The following SCAPER variants were observed in gnomAD, a reference collection of about 807,000 sequenced individuals.
SCAPER encodes the protein S phase cyclin A-associated protein in the endoplasmic reticulum.
In SCAPER, 98 loss-of-function variants were observed where a neutral mutation model predicts 182.2. The ratio of observed to expected loss-of-function variants is 0.54; its 90% CI spans 0.46 to 0.64. SCAPER has a LOEUF of 0.64. Ranked by LOEUF, SCAPER falls within the 30% of genes least tolerant of loss-of-function variation. SCAPER has a pLI of 0.00. For missense variants in SCAPER, 1,432 were observed against 1,690.0 expected (o/e 0.85, Z 2.68); for synonymous variants, 605 against 564.6 (o/e 1.07, Z -1.01).
rs1478205998 is a variant in SCAPER at position 76,665,663 on chromosome 15, T to C, written c.2635A>G (p.Met879Val). ...GGGTATTTAAGGTACCTGAAGTTCA[T>C]CCGGGCTTTTATCTTTTTGGCTTTT... ...KKKAKKIKAR[M>V]NFRAKEYESL... The change falls in exon 21 of 32, where the codon ATG (methionine) becomes GTG (valine). Residue 879 changes from methionine to valine, a missense_variant. Met to Val is a conservative substitution (Grantham distance 21). Around this residue, in one of 5 missense-constraint regions of SCAPER, gnomAD observed 718 missense variants for 799.7 expected, o/e 0.90. Coordinates refer to ENST00000563290, the MANE Select transcript of SCAPER (RefSeq NM_020843.4). The C allele has an allele frequency of 6.3e-7, 1 of 1,592,362 alleles. No homozygotes were observed. Among genetic ancestry groups the C allele is most frequent in the Non-Finnish European group, 8.5e-7 (1 of 1,171,844 alleles).
chr15:76,754,726 G>A (rs1309411787), intron 14 of SCAPER, among the ~76,000 whole-genome samples: 2 of 151,936 alleles, frequency 1.3e-5, no homozygotes, highest in African/African-American at 4.8e-5. Flanking sequence ...CAATAATTGT[G>A]TTGAACCATC....
intron 2 of SCAPER, among the ~76,000 whole-genome samples, chr15:76,871,448 C>CA (rs1282270139): frequency 6.7e-6 from 1 of 150,214 alleles, no homozygotes; most frequent in African/African-American, 2.5e-5. Context: ...TGAAGATAAC[C>CA]AAAAAATAAA....
chr15:76,558,766 A>G (rs1354204288), intron 23 of SCAPER, among the ~76,000 whole-genome samples: 1 of 152,190 alleles, frequency 6.6e-6, no homozygotes, highest in Non-Finnish European at 1.5e-5. Context: ...ACATGGACTC[A>G]ATCCAGGTGC....
intron 5 of SCAPER, among the ~76,000 whole-genome samples, chr15:76,837,254 C>T (rs918763396): frequency 6.6e-6 from 1 of 152,166 alleles, no homozygotes. Flanking sequence ...CAAACAAAGA[C>T]ATAACACAGC....
At chr15:76,369,313 G>A (rs1196856617) in intron 29 of SCAPER, among the ~76,000 whole-genome samples, 1 of 152,186 alleles carries the variant, frequency 6.6e-6, no homozygotes, top group Non-Finnish European at 1.5e-5. Context: ...CATGACTTCT[G>A]ACTAATGATA....
chr15:76,582,355 T>C lies in SCAPER; in HGVS notation c.2712-8071A>G, dbSNP rs189818902. Among the ~76,000 whole-genome samples, 464 of 152,238 alleles carry C rather than the reference T, an allele frequency of 3.0e-3. 5 individuals are homozygous for C. Among genetic ancestry groups the C allele is most frequent in the Non-Finnish European group, 1.6e-3 (112 of 68,012 alleles). On this transcript the variant is annotated intron_variant, in intron 22 of 31. Coordinates refer to ENST00000563290, the MANE Select transcript of SCAPER (RefSeq NM_020843.4). ...GTCAAGAAACTAATCATATTTACAA[T>C]AGCTTCAAATAAAATGAAATACCTA...
chr15:76,838,074 T>C (rs1172759346), intron 5 of SCAPER, among the ~76,000 whole-genome samples: 1 of 152,150 alleles, frequency 6.6e-6, no homozygotes, highest in Non-Finnish European at 1.5e-5. Context: ...GAACATAAAC[T>C]GCTCTACCAA....
At chr15:76,518,511 A>T (rs186261713) in intron 23 of SCAPER, among the ~76,000 whole-genome samples, 1 of 152,320 alleles carries the variant, frequency 6.6e-6, no homozygotes, top group East Asian at 1.9e-4. Context: ...TCTAAAGGAA[A>T]CGAAGGGAAG....
At chr15:76,711,417 GACA>G (rs991010657) in intron 17 of SCAPER, among the ~76,000 whole-genome samples, 1 of 152,062 alleles carries the variant, frequency 6.6e-6, no homozygotes, top group Admixed American at 6.6e-5. Context: ...TAAGCACACT[GACA>G]ACATGTTCAA....
chr15:76,451,433 A>G (rs1346810549), intron 25 of SCAPER, among the ~76,000 whole-genome samples: 1 of 152,198 alleles, frequency 6.6e-6, no homozygotes, highest in Admixed American at 6.5e-5. Context: ...AAACTGCCAA[A>G]CTTAAAGCAC....
intron 5 of SCAPER, among the ~76,000 whole-genome samples, chr15:76,822,170 A>C (rs1319005904): frequency 1.3e-5 from 2 of 152,210 alleles, no homozygotes; most frequent in African/African-American, 4.8e-5. Flanking sequence ...GGGAATGATA[A>C]TGATTTGTCA....
chr15:76,771,814 T>G lies in SCAPER; in HGVS notation c.1176A>C (p.Gln392His), dbSNP rs915172439. ...VMLQAGTPPL[Q>H]VNEEKFPAEK... ...CTGCTGGAAATTTTTCTTCATTTAC[T>G]TGTAAAGGAGGTGTACCAGCTTGCA... The change falls in exon 10 of 32, where the codon CAA becomes CAC. Residue 392 changes from glutamine to histidine, a missense_variant. Coordinates refer to ENST00000563290, the MANE Select transcript of SCAPER (RefSeq NM_020843.4). The G allele has an allele frequency of 1.2e-6, 2 of 1,613,114 alleles. No individual in the cohort carries two copies. The highest frequency in any genetic ancestry group is 1.3e-5 in the African/African-American group (1 of 74,904).
rs72738878 is a variant in SCAPER, at chr15:76,676,432, T to C, written c.2509-10643A>G. 9.4e-3 allele frequency among the ~76,000 whole-genome samples: 1,430 copies of C among 152,300 alleles called. 6 individuals are homozygous for C. Among genetic ancestry groups the C allele is most frequent in the Non-Finnish European group, 0.014 (965 of 68,028 alleles). On this transcript the variant is annotated intron_variant, in intron 20 of 31. Coordinates refer to ENST00000563290, the MANE Select transcript of SCAPER (RefSeq NM_020843.4). ...TCTACATAGTCACATTTCATAACAATCTACCTTGCTAAACAGTCAACTAGT... is the reference window on the plus strand; with the variant it reads ...TCTACATAGTCACATTTCATAACAACCTACCTTGCTAAACAGTCAACTAGT...
chr15:76,605,286 G>A (rs2050286037), intron 22 of SCAPER, among the ~76,000 whole-genome samples: 1 of 152,014 alleles, frequency 6.6e-6, no homozygotes, highest in Non-Finnish European at 1.5e-5. Context: ...ATAATCATGT[G>A]GTTTTTGTCT....
intron 2 of SCAPER, among the ~76,000 whole-genome samples, chr15:76,880,334 C>A (rs1175443534): frequency 6.6e-6 from 1 of 152,116 alleles, no homozygotes; most frequent in Non-Finnish European, 1.5e-5. Context: ...TTTTTTAGTT[C>A]TTTACTTCCT....
intron 15 of SCAPER, among the ~76,000 whole-genome samples, chr15:76,745,951 T>A (rs1306046087): frequency 6.6e-6 from 1 of 152,188 alleles, no homozygotes; most frequent in Non-Finnish European, 1.5e-5. Flanking sequence ...ATACTAATAA[T>A]ACATAGATCA....
At chr15:76,827,670 GA>G (rs573811539) in intron 5 of SCAPER, among the ~76,000 whole-genome samples, 33 of 149,680 alleles carry the variant, frequency 2.2e-4, no homozygotes, top group Admixed American at 1.3e-3. Context: ...CTTGTGAATG[GA>G]AAAAAAAATG....
chr15:76,899,241 T>G (rs1349907150), intron 1 of SCAPER, among the ~76,000 whole-genome samples: 1 of 152,210 alleles, frequency 6.6e-6, no homozygotes, highest in Non-Finnish European at 1.5e-5. Flanking sequence ...CTCAGCTAGC[T>G]GCAACCTCCC....
At chr15:76,684,758 A>C (rs1428285646) in intron 20 of SCAPER, among the ~76,000 whole-genome samples, 1 of 151,884 alleles carries the variant, frequency 6.6e-6, no homozygotes, top group African/African-American at 2.4e-5. Flanking sequence ...ATTATTAATA[A>C]TACTAAAGGT....
Sources: allele counts gnomAD v4.1 joint callset (sites outside exome capture counted in the v4.1 genomes callset), GRCh38; gene constraint gnomAD v4.1.1; regional missense constraint gnomAD v4.1.1; transcripts MANE v1.5; gene names NCBI Gene and HGNC (gene_info 2026-07-23, HGNC 2026-07-21).